DYNC1I1: variants seen among roughly 807,000 people sequenced by gnomAD.
The protein encoded by DYNC1I1 is dynein cytoplasmic 1 intermediate chain 1.
In DYNC1I1, 43 loss-of-function variants were observed where a neutral mutation model predicts 86.6. That is an observed-to-expected ratio of 0.50 (90% confidence interval 0.39 to 0.64). DYNC1I1 has a LOEUF of 0.64. Ranked by LOEUF, DYNC1I1 falls within the 30% of genes least tolerant of loss-of-function variation. The pLI is 0.00. For synonymous variants in DYNC1I1, 262 were observed against 283.7 expected, an observed-to-expected ratio of 0.92 and a Z score of 0.77; for missense variants, 604 against 788.8, an observed-to-expected ratio of 0.77 and a Z score of 2.81.
In DYNC1I1 at chr7:95,920,331, C is replaced by A. The variant is rs372196823; in HGVS notation, c.490+50333C>A. The stretch of plus-strand genomic sequence containing the variant: ...CAGAATATCAGAGAAAATACCTGAC[C>A]TGTTTTCCCAAAAATTCTCAAGGTT... On this transcript the variant is annotated intron_variant, in intron 6 of 16. Coordinates refer to ENST00000447467, the MANE Select transcript of DYNC1I1 (RefSeq NM_001135556.2). Among the ~76,000 whole-genome samples, 4 of 152,308 alleles carry A rather than the reference C, an allele frequency of 2.6e-5. No homozygotes were observed. In the East Asian group the frequency reaches 5.8e-4, roughly 22 times the overall value.
At chr7:96,091,111 A>G (rs1385316705) in intron 16 of DYNC1I1, among the ~76,000 whole-genome samples, 4 of 152,194 alleles carry the variant, frequency 2.6e-5, no homozygotes, top group Non-Finnish European at 5.9e-5. Context: ...TTTGTATACC[A>G]GTAAGTCAAC....
chr7:96,039,724 G>A (rs897001581), intron 14 of DYNC1I1, among the ~76,000 whole-genome samples: 1 of 151,606 alleles, frequency 6.6e-6, no homozygotes, highest in African/African-American at 2.4e-5. Flanking sequence ...CCCCTTCACT[G>A]CCTGCACCTC....
chr7:96,022,634 A>C (rs1424512677), intron 10 of DYNC1I1, among the ~76,000 whole-genome samples: 1 of 152,030 alleles, frequency 6.6e-6, no homozygotes, highest in African/African-American at 2.4e-5. Flanking sequence ...AGGTTGAGGC[A>C]GGAAGATTGC....
chr7:95,800,291 A>T (rs760306476), intron 1 of DYNC1I1, among the ~76,000 whole-genome samples: 5 of 151,960 alleles, frequency 3.3e-5, no homozygotes, highest in Non-Finnish European at 5.9e-5. Flanking sequence ...TTGAACTTTG[A>T]GACATCTGTT....
At chr7:95,829,660 A>T (rs1018874012) in intron 5 of DYNC1I1, among the ~76,000 whole-genome samples, 1 of 152,100 alleles carries the variant, frequency 6.6e-6, no homozygotes, top group Non-Finnish European at 1.5e-5. Context: ...TTTCCCATTT[A>T]TATCTGTTTT....
chr7:95,822,374 A>T (rs570032847), intron 4 of DYNC1I1, among the ~76,000 whole-genome samples: 1 of 152,310 alleles, frequency 6.6e-6, no homozygotes, highest in Admixed American at 6.5e-5. Flanking sequence ...AAAAATATTG[A>T]AAAACAAATT....
intron 6 of DYNC1I1, among the ~76,000 whole-genome samples, chr7:95,956,380 C>CTTTTTTTTTT (rs57664357): frequency 1.4e-5 from 2 of 140,076 alleles, no homozygotes; most frequent in Admixed American, 7.1e-5. Context: ...CTTTTTTTCT[C>CTTTTTTTTTT]TTTTTTTTTT....
intron 6 of DYNC1I1, among the ~76,000 whole-genome samples, chr7:95,948,176 G>C (rs766047918): frequency 2.2e-4 from 34 of 152,116 alleles, no homozygotes; most frequent in Non-Finnish European, 5.9e-5. Flanking sequence ...CGAGGGCGTT[G>C]GATGTTTCAA....
rs148346163 is a variant in DYNC1I1, at chr7:95,982,737, T to G, written c.581-2078T>G. ...TGAGTCTTTTTGAATAAGACATTCTTCTTGGCCTATAGTATTCTTGTTTAG... is the reference window on the plus strand; with the variant it reads ...TGAGTCTTTTTGAATAAGACATTCTGCTTGGCCTATAGTATTCTTGTTTAG... On this transcript the variant is annotated intron_variant, in intron 7 of 16. Coordinates refer to ENST00000447467, the MANE Select transcript of DYNC1I1 (RefSeq NM_001135556.2). 1.3e-3 allele frequency among the ~76,000 whole-genome samples: 193 copies of G among 152,300 alleles called. 1 individual carries two copies. Among genetic ancestry groups the G allele is most frequent in the African/African-American group, 4.1e-3 (172 of 41,580 alleles).
intron 15 of DYNC1I1, 145 bp from the exon 16 acceptor site, chr7:96,080,217 CT>C (rs34643219): frequency 1.4e-5 from 15 of 1,059,526 alleles, no homozygotes; most frequent in Admixed American, 3.5e-5. Context: ...ACAATGAGCC[CT>C]TTTTCCCCCC....
At chr7:95,962,961 C>T (rs906132466) in intron 6 of DYNC1I1, among the ~76,000 whole-genome samples, 10 of 152,150 alleles carry the variant, frequency 6.6e-5, no homozygotes, top group African/African-American at 2.4e-4. Context: ...GATCAAATAG[C>T]AAATGTGAAT....
At chr7:95,831,319 C>T (rs1788894687) in intron 5 of DYNC1I1, among the ~76,000 whole-genome samples, 1 of 152,020 alleles carries the variant, frequency 6.6e-6, no homozygotes, top group South Asian at 2.1e-4. Flanking sequence ...TTTGGTAGAA[C>T]ACAATTCACC....
chr7:95,818,205 C>CTTT (rs35895039), intron 4 of DYNC1I1, among the ~76,000 whole-genome samples: 2 of 143,342 alleles, frequency 1.4e-5, no homozygotes, highest in Admixed American at 7.0e-5. Flanking sequence ...TAATTTTTGT[C>CTTT]TTTTTTTTTT....
chr7:95,944,065 A>G (rs969626662), intron 6 of DYNC1I1, among the ~76,000 whole-genome samples: 5 of 152,234 alleles, frequency 3.3e-5, no homozygotes, highest in Non-Finnish European at 7.3e-5. Flanking sequence ...AGGAAAAGAA[A>G]GTACCATCAG....
At chr7:96,044,381 G>A (rs532516008) in intron 14 of DYNC1I1, among the ~76,000 whole-genome samples, 30 of 152,154 alleles carry the variant, frequency 2.0e-4, no homozygotes, top group African/African-American at 7.2e-4. Flanking sequence ...TTTGTTGAGG[G>A]TGGGACAAAA....
At chr7:95,775,690 C>T (rs983351) in intron 1 of DYNC1I1, among the ~76,000 whole-genome samples, 50,277 of 152,062 alleles carry the variant, frequency 0.33, 8,792 homozygotes, top group South Asian at 0.51. Context: ...TTTTTGTCTC[C>T]TTAATGAAAG....
chr7:95,842,256 C>A (rs1429896497), intron 5 of DYNC1I1, among the ~76,000 whole-genome samples: 3 of 152,136 alleles, frequency 2.0e-5, no homozygotes, highest in Non-Finnish European at 4.4e-5. Context: ...ACAGCTAATG[C>A]CCAAAGTTCT....
At chr7:96,009,909 A>G (rs181178514) in intron 10 of DYNC1I1, among the ~76,000 whole-genome samples, 67 of 151,918 alleles carry the variant, frequency 4.4e-4, no homozygotes, top group African/African-American at 1.6e-3. Flanking sequence ...CCTCCCAAGT[A>G]GCTGGAATTA....
intron 5 of DYNC1I1, among the ~76,000 whole-genome samples, chr7:95,836,366 G>C (rs1243141320): frequency 6.6e-6 from 1 of 151,780 alleles, no homozygotes; most frequent in Non-Finnish European, 1.5e-5. Flanking sequence ...TCCCTTTGAG[G>C]GTAACCCGAC....
Sources: gnomAD v4.1 joint callset for allele counts (sites outside exome capture counted in the v4.1 genomes callset) on GRCh38, gnomAD v4.1.1 for gene constraint, MANE v1.5 for transcripts, NCBI Gene and HGNC (gene_info 2026-07-23, HGNC 2026-07-21) for gene names.